Variants in DAAM1 observed in about 807,000 individuals in gnomAD.
DAAM1 encodes the protein dishevelled associated activator of morphogenesis 1.
DAAM1 carries 52 observed loss-of-function variants against 130.0 expected under a neutral mutation model. That is an observed-to-expected ratio of 0.40 (90% CI 0.32 to 0.50). The LOEUF (loss-of-function observed/expected upper bound fraction) is 0.50. Ranked by LOEUF, DAAM1 falls within the 20% of genes least tolerant of loss-of-function variation. The probability of loss-of-function intolerance (pLI) is 0.61; values close to 1 mark genes in which losing one functional copy is unlikely to be tolerated. For missense variants in DAAM1, 1,134 were observed against 1,303.8 expected (o/e 0.87, Z 2.01); for synonymous variants, 452 against 444.5 (o/e 1.02, Z -0.21).
intron 15 of DAAM1, among the ~76,000 whole-genome samples, chr14:59,339,746 A>G (rs1885771253): frequency 6.6e-6 from 1 of 152,226 alleles, no homozygotes; most frequent in African/African-American, 2.4e-5. Flanking sequence ...TCTGTCTGCA[A>G]TCCATAGGAA....
intron 15 of DAAM1, among the ~76,000 whole-genome samples, chr14:59,339,563 G>A (rs552966836): frequency 6.6e-6 from 1 of 152,290 alleles, no homozygotes; most frequent in Non-Finnish European, 1.5e-5. Flanking sequence ...AGTAATGAAA[G>A]TTACCATCTG....
chr14:59,201,394 G>A (rs974590414), intron 1 of DAAM1, among the ~76,000 whole-genome samples: 4 of 152,030 alleles, frequency 2.6e-5, no homozygotes. Flanking sequence ...AGGCTGAGGT[G>A]GGTGGACCAC....
intron 1 of DAAM1, among the ~76,000 whole-genome samples, chr14:59,231,977 T>G (rs1370877): frequency 0.14 from 20,635 of 152,202 alleles, 1,587 homozygotes; most frequent in Middle Eastern, 0.2. Flanking sequence ...AATATACTAT[T>G]TGTTGAGAAC....
At chr14:59,242,715 C>A (rs150847537) in intron 1 of DAAM1, among the ~76,000 whole-genome samples, 1 of 152,060 alleles carries the variant, frequency 6.6e-6, no homozygotes, top group African/African-American at 2.4e-5. Flanking sequence ...CCCGCCACCA[C>A]GCCTGGCTAA....
intron 19 of DAAM1, among the ~76,000 whole-genome samples, chr14:59,354,427 AG>A (rs1488934608): frequency 2.0e-5 from 3 of 152,084 alleles, no homozygotes; most frequent in African/African-American, 7.2e-5. Context: ...TGATTACTTA[AG>A]GTCAGTGCTT....
chr14:59,289,767 G>GATATATATATATATATATATATATAT, intron 2 of DAAM1, among the ~76,000 whole-genome samples: 1,406 of 109,800 alleles, frequency 0.013, 52 homozygotes, highest in Non-Finnish European at 0.017. Flanking sequence ...AACAAAATGT[G>GATATATATATATATATATATATATAT]ATATATATAT....
chr14:59,325,524 G>C (rs1441529531), intron 8 of DAAM1, 140 bp from the exon 9 acceptor site: 3 of 703,692 alleles, frequency 4.3e-6, no homozygotes, highest in Non-Finnish European at 4.6e-6. Flanking sequence ...CAAAGTTGAA[G>C]CTTTCAAATT....
At position 59,352,593 on chromosome 14, in the gene DAAM1, G is replaced by A. The variant is rs765315366; in HGVS notation, c.2228G>A (p.Arg743Gln). 19 of 1,613,354 alleles carry A rather than the reference G, an allele frequency of 1.2e-5. No individual in the cohort carries two copies. The East Asian group carries it at 1.3e-4, about 11-fold the overall frequency. The change falls in exon 18 of 25, where the codon CGG becomes CAG. Residue 743 changes from arginine to glutamine, a missense_variant. Physicochemically the swap from Arg to Gln is conservative, Grantham distance 43. Transcript: ENST00000360909. Reference protein sequence around the residue: ...LLEEHKHELDRMAKADRFLFE... With the variant: ...LLEEHKHELDQMAKADRFLFE... ...GAGGAACATAAACACGAACTGGATC[G>A]GATGGCCAAGGCTGATAGGTTCCTT...
Position 59,320,501 on chromosome 14 carries a change from G to A in DAAM1, c.357G>A (p.Leu119=), listed in dbSNP as rs1462086304. 7 of 1,601,556 alleles carry A rather than the reference G, an allele frequency of 4.4e-6. No individual in the cohort carries two copies. The highest frequency in any genetic ancestry group is 2.7e-5 in the African/African-American group (2 of 73,864). The change falls in exon 5 of 25, where the codon CTG becomes CTA. Residue 119 remains leucine (L), a synonymous_variant. Transcript: ENST00000360909. ...TTTTCTTTGCATAGAGAAAATCTCT[G>A]CTGGCTTTAGAGAAGGAAGAAGAAG... The part of the protein sequence containing the change: ...QLNSMAARKS[L]LALEKEEEEE...
intron 15 of DAAM1, among the ~76,000 whole-genome samples, chr14:59,336,946 A>G (rs1335196034): frequency 1.3e-5 from 2 of 152,216 alleles, no homozygotes; most frequent in African/African-American, 4.8e-5. Flanking sequence ...ACAGACAGAT[A>G]GACTGAGCCC....
intron 3 of DAAM1, among the ~76,000 whole-genome samples, chr14:59,294,910 G>A (rs1594805619): frequency 6.6e-6 from 1 of 152,182 alleles, no homozygotes; most frequent in African/African-American, 2.4e-5. Context: ...TAAAGTGGGT[G>A]TATACATGTA....
intron 3 of DAAM1, among the ~76,000 whole-genome samples, chr14:59,300,238 G>C (rs147373600): frequency 6.6e-6 from 1 of 152,292 alleles, no homozygotes; most frequent in East Asian, 1.9e-4. Context: ...TAAGTTATTA[G>C]GTTGGAGTGA....
At chr14:59,202,011 A>G (rs1395745315) in intron 1 of DAAM1, among the ~76,000 whole-genome samples, 1 of 152,258 alleles carries the variant, frequency 6.6e-6, no homozygotes, top group African/African-American at 2.4e-5. Flanking sequence ...ATCAATTTAC[A>G]TTTTAATCCA....
At chr14:59,195,292 C>T (rs1230462459) in intron 1 of DAAM1, among the ~76,000 whole-genome samples, 1 of 151,978 alleles carries the variant, frequency 6.6e-6, no homozygotes, top group Non-Finnish European at 1.5e-5. Flanking sequence ...TACAGGTGTC[C>T]ACCACCACGC....
At chr14:59,287,211 C>A (rs1287405478) in intron 2 of DAAM1, among the ~76,000 whole-genome samples, 1 of 152,096 alleles carries the variant, frequency 6.6e-6, no homozygotes, top group African/African-American at 2.4e-5. Flanking sequence ...GCAGAAGAGG[C>A]CTTTGATAAA....
chr14:59,362,819 TAGTTATTA>T (rs1886762117), intron 22 of DAAM1: 1 of 152,128 alleles, frequency 6.6e-6, no homozygotes, highest in Non-Finnish European at 1.5e-5. Context: ...GTATACAACA[TAGTTATTA>T]CCAAGACTCT....
At chr14:59,315,432 A>G in intron 4 of DAAM1, 81 bp downstream of exon 4, 2 of 1,328,464 alleles carry the variant, frequency 1.5e-6, no homozygotes, top group South Asian at 2.6e-5. Flanking sequence ...AATAAATTCG[A>G]TTGAGTATGA....
intron 1 of DAAM1, among the ~76,000 whole-genome samples, chr14:59,232,472 G>T (rs552010366): frequency 6.6e-6 from 1 of 152,230 alleles, no homozygotes; most frequent in East Asian, 1.9e-4. Context: ...TAACAAAGGA[G>T]ATGGATATGG....
At chr14:59,337,416 A>G (rs752522121) in intron 15 of DAAM1, among the ~76,000 whole-genome samples, 1 of 152,208 alleles carries the variant, frequency 6.6e-6, no homozygotes, top group Non-Finnish European at 1.5e-5. Context: ...ATTGTGTGAA[A>G]CAGCTCATCT....
Sources: gnomAD v4.1 joint callset for allele counts (sites outside exome capture counted in the v4.1 genomes callset) on GRCh38, gnomAD v4.1.1 for gene constraint, MANE v1.5 for transcripts, NCBI Gene and HGNC (gene_info 2026-07-23, HGNC 2026-07-21) for gene names.